SIK3: variants seen among roughly 807,000 people sequenced by gnomAD.
SIK3 encodes SIK family kinase 3, also known as serine/threonine-protein kinase SIK3.
SIK3 carries 28 observed loss-of-function variants against 144.2 expected under a neutral mutation model. That is an observed-to-expected ratio of 0.19 (90% confidence interval 0.14 to 0.27). The LOEUF (loss-of-function observed/expected upper bound fraction) is 0.27. Ranked by LOEUF, SIK3 falls within the 10% of genes least tolerant of loss-of-function variation. SIK3 has a pLI of 1.00. For synonymous variants in SIK3, 686 were observed against 676.3 expected (o/e 1.01, Z -0.22); for missense variants, 1,319 against 1,776.0 (o/e 0.74, Z 4.62).
intron 1 of SIK3, among the ~76,000 whole-genome samples, chr11:117,091,221 T>TTTTA (rs375541856): frequency 7.4e-6 from 1 of 134,990 alleles, no homozygotes; most frequent in African/African-American, 3.1e-5. Context: ...TTTTTTTTTT[T>TTTTA]GAGACGGAGT....
chr11:116,873,671 G>A (rs1944086632), intron 12 of SIK3, 35 bp from the exon 13 acceptor site: 1 of 1,523,612 alleles, frequency 6.6e-7, no homozygotes. Context: ...CGGACCATGA[G>A]ATGAGGGGAA....
At chr11:116,924,762 C>T (rs548624116) in intron 4 of SIK3, among the ~76,000 whole-genome samples, 1 of 152,228 alleles carries the variant, frequency 6.6e-6, no homozygotes, top group Non-Finnish European at 1.5e-5. Flanking sequence ...TTGGTGGGGG[C>T]TGGGGGTGTC....
intron 1 of SIK3, among the ~76,000 whole-genome samples, chr11:116,990,454 G>A (rs893244915): frequency 5.9e-5 from 9 of 152,108 alleles, no homozygotes; most frequent in Non-Finnish European, 8.8e-5. Flanking sequence ...ATACATTAAC[G>A]AGTCAAGCAA....
intron 1 of SIK3, among the ~76,000 whole-genome samples, chr11:117,009,231 T>G (rs1245205805): frequency 4.5e-5 from 4 of 89,064 alleles, no homozygotes; most frequent in African/African-American, 2.4e-4. Context: ...AGACACTGTC[T>G]CAAAAAAAAA....
intron 1 of SIK3, among the ~76,000 whole-genome samples, chr11:117,089,626 AT>A (rs1955158849): frequency 6.6e-6 from 1 of 152,236 alleles, no homozygotes; most frequent in African/African-American, 2.4e-5. Context: ...ACTAACCTAC[AT>A]TTTCACATTC....
chr11:116,908,511 C>CA (rs1359883270), intron 4 of SIK3, among the ~76,000 whole-genome samples: 1 of 151,542 alleles, frequency 6.6e-6, no homozygotes, highest in East Asian at 1.9e-4. Flanking sequence ...CATCAAAAAA[C>CA]AAAAAACAAA....
intron 1 of SIK3, among the ~76,000 whole-genome samples, chr11:117,063,977 A>C (rs1029356401): frequency 6.6e-6 from 1 of 152,212 alleles, no homozygotes; most frequent in African/African-American, 2.4e-5. Flanking sequence ...GTCAGAAAAA[A>C]AAAATTAGCC....
intron 21 of SIK3, among the ~76,000 whole-genome samples, chr11:116,850,779 C>T (rs1467622431): frequency 5.3e-5 from 8 of 152,082 alleles, no homozygotes; most frequent in Admixed American, 2.0e-4. Flanking sequence ...GAGGCCGGGG[C>T]GGGTGGATCA....
intron 1 of SIK3, among the ~76,000 whole-genome samples, chr11:117,002,787 A>G (rs372606294): frequency 6.6e-6 from 1 of 152,244 alleles, no homozygotes; most frequent in Non-Finnish European, 1.5e-5. Flanking sequence ...TCATCTGACA[A>G]TATCTACCAG....
intron 1 of SIK3, among the ~76,000 whole-genome samples, chr11:116,966,583 T>A (rs369758791): frequency 6.6e-6 from 1 of 152,216 alleles, no homozygotes; most frequent in African/African-American, 2.4e-5. Flanking sequence ...CATGGTGTCA[T>A]GTTGGCACTC....
In SIK3 at chr11:116,873,756, G is replaced by A. The variant is rs192444645; in HGVS notation, c.1582-120C>T. 8.0e-5 allele frequency: 117 copies of A among 1,457,084 alleles called. 1 individual carries two copies. In the Middle Eastern group the frequency reaches 1.5e-3, roughly 19 times the overall value. 90.3% of individuals were successfully genotyped at this position (1,457,084 alleles called of 1,614,324 possible). ...TGGGTCATGACAGAGACTAGAGGAC[G>A]CTTCCCGCTCACCCGAGCTACTTTG... On this transcript the variant is annotated intron_variant, in intron 12 of 24. Transcript: ENST00000445177.
At chr11:117,029,198 T>C (rs976134747) in intron 1 of SIK3, among the ~76,000 whole-genome samples, 3 of 152,088 alleles carry the variant, frequency 2.0e-5, no homozygotes, top group African/African-American at 7.2e-5. Context: ...TGTGACCCAC[T>C]GTGCCCAGCC....
chr11:116,855,251 A>G (rs1338806910), intron 21 of SIK3: 2 of 152,262 alleles, frequency 1.3e-5, no homozygotes, highest in African/African-American at 4.8e-5. Context: ...TCCTTGAGAC[A>G]GTCTCACCCA....
At chr11:117,085,801 A>G (rs895255862) in intron 1 of SIK3, among the ~76,000 whole-genome samples, 33 of 152,074 alleles carry the variant, frequency 2.2e-4, no homozygotes, top group African/African-American at 7.5e-4. Context: ...CCTGGCCAAC[A>G]TGGCGAAACC....
chr11:116,896,885 A>G (rs1290456687), intron 5 of SIK3, among the ~76,000 whole-genome samples: 1 of 152,016 alleles, frequency 6.6e-6, no homozygotes, highest in Non-Finnish European at 1.5e-5. Context: ...AAATTAGCCA[A>G]GTGTGGTGGC....
At chr11:117,042,565 T>C (rs1460836869) in intron 1 of SIK3, among the ~76,000 whole-genome samples, 1 of 152,196 alleles carries the variant, frequency 6.6e-6, no homozygotes, top group African/African-American at 2.4e-5. Flanking sequence ...CAAAACAACC[T>C]TGAGACATTT....
chr11:117,085,498 G>A (rs1270630775), intron 1 of SIK3, among the ~76,000 whole-genome samples: 1 of 152,060 alleles, frequency 6.6e-6, no homozygotes, highest in Non-Finnish European at 1.5e-5. Context: ...AATATCTACC[G>A]ATGAAATGAA....
chr11:117,027,918 G>A (rs756075927), intron 1 of SIK3, among the ~76,000 whole-genome samples: 6 of 152,178 alleles, frequency 3.9e-5, no homozygotes, highest in Admixed American at 2.6e-4. Context: ...TGATGAGTAC[G>A]TCTACCCAAA....
intron 1 of SIK3, among the ~76,000 whole-genome samples, chr11:116,995,331 T>G (rs1412177435): frequency 2.0e-5 from 3 of 149,742 alleles, no homozygotes; most frequent in Admixed American, 2.0e-4. Context: ...TGGCGTGATC[T>G]TGGCTCATTG....
Sources: gnomAD v4.1 joint callset for allele counts (sites outside exome capture counted in the v4.1 genomes callset) on GRCh38, gnomAD v4.1.1 for gene constraint, MANE v1.5 for transcripts, NCBI Gene and HGNC (gene_info 2026-07-23, HGNC 2026-07-21) for gene names.